The following RIMS2 variants were observed in gnomAD, a reference collection of about 807,000 sequenced individuals.
RIMS2 encodes regulating synaptic membrane exocytosis 2, also known as regulating synaptic membrane exocytosis protein 2.
A neutral mutation model predicts 174.4 loss-of-function variants in RIMS2; 59 were observed. The observed-to-expected ratio is 0.34, with a 90% CI of 0.27 to 0.42. The LOEUF is 0.42. RIMS2 is among the 10% of genes least tolerant of loss of function. RIMS2 has a pLI of 1.00. For missense variants in RIMS2, 1,620 were observed against 1,666.3 expected (o/e 0.97, Z 0.48); for synonymous variants, 606 against 572.5 (o/e 1.06, Z -0.84).
intron 1 of RIMS2, among the ~76,000 whole-genome samples, chr8:103,606,672 A>T (rs2095104938): frequency 6.6e-6 from 1 of 152,124 alleles, no homozygotes; most frequent in South Asian, 2.1e-4. Context: ...TTGCTCTATG[A>T]ATCTGGGTGC....
At chr8:103,541,884 C>G (rs1842741175) in intron 1 of RIMS2, among the ~76,000 whole-genome samples, 1 of 152,060 alleles carries the variant, frequency 6.6e-6, no homozygotes, top group African/African-American at 2.4e-5. Context: ...TCTGTTACAA[C>G]TATAACATAT....
At chr8:103,850,376 A>C (rs534666181) in intron 3 of RIMS2, among the ~76,000 whole-genome samples, 1 of 152,092 alleles carries the variant, frequency 6.6e-6, no homozygotes, top group South Asian at 2.1e-4. Context: ...ATAAATTGTC[A>C]AACAAAATTC....
intron 1 of RIMS2, 51 bp downstream of exon 1, chr8:103,501,113 C>G: frequency 7.0e-7 from 1 of 1,430,450 alleles, no homozygotes; most frequent in Non-Finnish European, 9.4e-7. Flanking sequence ...TCCGCCCCCT[C>G]GCCCACTGCC....
At chr8:103,537,661 C>G (rs1369312873) in intron 1 of RIMS2, among the ~76,000 whole-genome samples, 2 of 152,012 alleles carry the variant, frequency 1.3e-5, no homozygotes, top group Admixed American at 1.3e-4. Flanking sequence ...TTTACCAAGC[C>G]AGATCACTGG....
exon 14 of RIMS2, chr8:103,942,912 C>T (rs932428468): frequency 6.2e-7 from 1 of 1,604,410 alleles, no homozygotes. Flanking sequence ...GAGAGCCCAA[C>T]ACGGAGGTTG....
intron 19 of RIMS2, among the ~76,000 whole-genome samples, chr8:104,040,353 C>T (rs1471670140): frequency 3.3e-5 from 5 of 151,554 alleles, no homozygotes; most frequent in Non-Finnish European, 7.4e-5. Context: ...TATTGTTCAT[C>T]TGTGTCAATC....
intron 1 of RIMS2, among the ~76,000 whole-genome samples, chr8:103,672,926 A>C (rs1590076241): frequency 6.6e-6 from 1 of 152,222 alleles, no homozygotes; most frequent in East Asian, 1.9e-4. Context: ...GTAAAATCAA[A>C]CAAGTTATCT....
At chr8:103,958,605 G>C (rs2088537935) in intron 14 of RIMS2, among the ~76,000 whole-genome samples, 1 of 152,016 alleles carries the variant, frequency 6.6e-6, no homozygotes, top group Non-Finnish European at 1.5e-5. Context: ...TATTCATAAA[G>C]AAAAGAAAAT....
intron 2 of RIMS2, among the ~76,000 whole-genome samples, chr8:103,701,977 G>T (rs943085075): frequency 9.2e-5 from 14 of 151,930 alleles, no homozygotes; most frequent in African/African-American, 2.4e-4. Context: ...TCATATGGTG[G>T]TTCTATTTTT....
At chr8:103,596,127 A>T (rs1234639565) in intron 1 of RIMS2, among the ~76,000 whole-genome samples, 1 of 152,034 alleles carries the variant, frequency 6.6e-6, no homozygotes, top group African/African-American at 2.4e-5. Flanking sequence ...GTACTTCTTA[A>T]ATAATAAGCC....
intron 16 of RIMS2, 63 bp from the exon 19 acceptor site, chr8:103,989,242 A>G (rs751443013): frequency 4.8e-5 from 49 of 1,014,268 alleles, no homozygotes; most frequent in Non-Finnish European, 6.4e-5. Flanking sequence ...GCTTTAAAAT[A>G]AACCTCGTTT....
chr8:103,560,465 G>A (rs997054651), intron 1 of RIMS2, among the ~76,000 whole-genome samples: 1 of 152,142 alleles, frequency 6.6e-6, no homozygotes, highest in African/African-American at 2.4e-5. Flanking sequence ...ATAAACATGT[G>A]CCCTTTATAT....
chr8:104,235,069 A>T (rs1442912119), intron 19 of RIMS2, among the ~76,000 whole-genome samples: 1 of 152,124 alleles, frequency 6.6e-6, no homozygotes, highest in Non-Finnish European at 1.5e-5. Context: ...CATCATTTTC[A>T]TGAAGTCAGA....
chr8:103,980,326 T>C (rs1054825010), intron 16 of RIMS2, among the ~76,000 whole-genome samples: 2 of 152,000 alleles, frequency 1.3e-5, no homozygotes, highest in Non-Finnish European at 2.9e-5. Flanking sequence ...TAGACAAACA[T>C]GGGCTAAAAG....
intron 1 of RIMS2, among the ~76,000 whole-genome samples, chr8:103,632,593 G>A (rs1471757400): frequency 1.3e-5 from 2 of 149,668 alleles, no homozygotes; most frequent in Non-Finnish European, 3.0e-5. Context: ...GCTAATTTTT[G>A]TATTTTTGGT....
chr8:103,779,432 AG>A (rs1260801873), intron 3 of RIMS2, among the ~76,000 whole-genome samples: 2 of 152,096 alleles, frequency 1.3e-5, no homozygotes, highest in Non-Finnish European at 2.9e-5. Context: ...ATATGGTGAA[AG>A]ATAGGATTCT....
At chr8:103,928,878 G>A (rs777377148) in intron 11 of RIMS2, among the ~76,000 whole-genome samples, 17 of 151,286 alleles carry the variant, frequency 1.1e-4, no homozygotes, top group Non-Finnish European at 2.5e-4. Context: ...ATATTTGGGG[G>A]AATCAACAGC....
chr8:103,780,874 T>G (rs1168362761), intron 3 of RIMS2, among the ~76,000 whole-genome samples: 1 of 152,202 alleles, frequency 6.6e-6, no homozygotes, highest in Admixed American at 6.5e-5. Flanking sequence ...GTTTTTTACT[T>G]GACTTGTTTT....
chr8:103,980,569 C>T (rs2154549137), intron 16 of RIMS2, among the ~76,000 whole-genome samples: 1 of 152,236 alleles, frequency 6.6e-6, no homozygotes, highest in Non-Finnish European at 1.5e-5. Context: ...GTGACTTTGT[C>T]TTGCACCTTA....
Sources: gnomAD v4.1 joint callset for allele counts (sites outside exome capture counted in the v4.1 genomes callset) on GRCh38, gnomAD v4.1.1 for gene constraint, MANE v1.5 for transcripts, NCBI Gene and HGNC (gene_info 2026-07-23, HGNC 2026-07-21) for gene names.